RBFOX1: variants seen among roughly 807,000 people sequenced by gnomAD.
RBFOX1 encodes the protein RNA binding fox-1 homolog 1.
In RBFOX1, 8 loss-of-function variants were observed where a neutral mutation model predicts 57.7. The observed-to-expected ratio is 0.14, with a 90% CI of 0.08 to 0.25. RBFOX1 has a LOEUF of 0.25. Ranked by LOEUF, RBFOX1 falls within the 10% of genes least tolerant of loss-of-function variation. The probability of loss-of-function intolerance (pLI) is 1.00; values close to 1 mark genes in which losing one functional copy is unlikely to be tolerated. For synonymous variants in RBFOX1, 326 were observed against 222.4 expected, an observed-to-expected ratio of 1.47 and a Z score of -4.15; for missense variants, 611 against 548.5, an observed-to-expected ratio of 1.11 and a Z score of -1.14.
At chr16:6,305,930 G>A (rs763193085) in intron 1 of RBFOX1, among the ~76,000 whole-genome samples, 8 of 152,088 alleles carry the variant, frequency 5.3e-5, no homozygotes, top group Non-Finnish European at 1.2e-4. Flanking sequence ...AGGAAGTTGA[G>A]CTTCAAGAAG....
intron 4 of RBFOX1, among the ~76,000 whole-genome samples, chr16:7,140,162 C>T (rs909848373): frequency 9.5e-6 from 1 of 105,742 alleles, no homozygotes; most frequent in Admixed American, 9.5e-5. Flanking sequence ...CTCTCCCTCT[C>T]TCTCTCTCTC....
At chr16:7,290,867 A>T (rs541960788) in intron 4 of RBFOX1, among the ~76,000 whole-genome samples, 19 of 152,226 alleles carry the variant, frequency 1.2e-4, no homozygotes, top group Non-Finnish European at 2.5e-4. Context: ...TGGGTAATGT[A>T]GTATTATCGG....
At chr16:5,334,483 A>G (rs2064846186) in intron 1 of RBFOX1, among the ~76,000 whole-genome samples, 1 of 152,072 alleles carries the variant, frequency 6.6e-6, no homozygotes, top group South Asian at 2.1e-4. Context: ...AGAAGAGAAA[A>G]GAGATGGTTG....
chr16:5,528,535 G>A (rs918369173), intron 2 of RBFOX1, among the ~76,000 whole-genome samples: 9 of 148,664 alleles, frequency 6.1e-5, no homozygotes, highest in South Asian at 4.3e-4. Flanking sequence ...ATATTCCCCC[G>A]ACAGCTCTTC....
At chr16:6,969,680 G>T (rs2085085252) in intron 3 of RBFOX1, among the ~76,000 whole-genome samples, 2 of 152,016 alleles carry the variant, frequency 1.3e-5, no homozygotes, top group Admixed American at 1.3e-4. Context: ...GGAGGCGGAG[G>T]TTGCAGTGAG....
intron 2 of RBFOX1, among the ~76,000 whole-genome samples, chr16:6,440,204 G>A (rs1304868107): frequency 6.6e-6 from 1 of 151,842 alleles, no homozygotes; most frequent in Admixed American, 6.6e-5. Context: ...CAAAGTGCTG[G>A]GATTACAGGC....
At chr16:6,616,283 T>A (rs768397369) in intron 2 of RBFOX1, among the ~76,000 whole-genome samples, 52 of 152,208 alleles carry the variant, frequency 3.4e-4, no homozygotes, top group Non-Finnish European at 6.8e-4. Context: ...TTTTAATCAG[T>A]TTATTAGTTA....
At position 7,618,895 on chromosome 16, in the gene RBFOX1, G is replaced by T. The variant is rs1252695116; in HGVS notation, c.676+11557G>T. On this transcript the variant is annotated intron_variant, in intron 10 of 15. Transcript: ENST00000550418. ...TATAACACATTACAGTCGACATATT[G>T]GTTTATGAAAAATTAATAAAGCCAG... Among the ~76,000 whole-genome samples, 7 of 152,072 alleles carry T rather than the reference G, an allele frequency of 4.6e-5. No individual in the cohort carries two copies. In the East Asian group the frequency reaches 1.3e-3, roughly 29 times the overall value.
chr16:5,387,889 G>C (rs969047072), intron 1 of RBFOX1, among the ~76,000 whole-genome samples: 15 of 152,244 alleles, frequency 9.9e-5, no homozygotes, highest in Admixed American at 2.6e-4. Context: ...ATTTGGAAGA[G>C]GCAGACAGCA....
intron 2 of RBFOX1, among the ~76,000 whole-genome samples, chr16:6,485,093 A>G (rs2095446614): frequency 6.6e-6 from 1 of 152,206 alleles, no homozygotes; most frequent in Admixed American, 6.5e-5. Context: ...GTTTGCTATG[A>G]CTAAGTTTGA....
intron 4 of RBFOX1, among the ~76,000 whole-genome samples, chr16:7,094,909 C>G (rs192577656): frequency 1.3e-5 from 2 of 151,976 alleles, no homozygotes; most frequent in African/African-American, 4.8e-5. Context: ...ACTTTTGCCC[C>G]GTCTCTTAAT....
intron 10 of RBFOX1, among the ~76,000 whole-genome samples, chr16:7,612,314 C>T (rs1428204498): frequency 1.0e-5 from 1 of 97,352 alleles, no homozygotes; most frequent in East Asian, 3.2e-4. Context: ...GAGCGAGACT[C>T]CATCTCAAAA....
chr16:6,412,468 C>T (rs1197633675), intron 2 of RBFOX1, among the ~76,000 whole-genome samples: 2 of 152,128 alleles, frequency 1.3e-5, no homozygotes, highest in Non-Finnish European at 2.9e-5. Context: ...CCCTATATGC[C>T]TTTCAATGAT....
At chr16:6,892,531 A>G (rs12445817) in intron 3 of RBFOX1, among the ~76,000 whole-genome samples, 35,053 of 152,080 alleles carry the variant, frequency 0.23, 4,133 homozygotes, top group East Asian at 0.28. Context: ...TTAGCTGCGC[A>G]TGGTGGCACA....
chr16:7,400,440 A>G (rs1239480357), intron 4 of RBFOX1, among the ~76,000 whole-genome samples: 1 of 152,162 alleles, frequency 6.6e-6, no homozygotes. Context: ...AAGTGAAAAA[A>G]CACAAGAAAG....
chr16:7,002,655 G>A (rs534965588), intron 3 of RBFOX1, among the ~76,000 whole-genome samples: 7 of 152,050 alleles, frequency 4.6e-5, no homozygotes, highest in Non-Finnish European at 1.0e-4. Flanking sequence ...GAGGTTGCAG[G>A]GAGCCGAGAT....
chr16:5,544,520 C>T (rs2045103214), intron 2 of RBFOX1, among the ~76,000 whole-genome samples: 1 of 151,608 alleles, frequency 6.6e-6, no homozygotes. Flanking sequence ...ACAAAGTAAG[C>T]AGGGAAAAAT....
At chr16:7,223,724 A>G (rs80036903) in intron 4 of RBFOX1, among the ~76,000 whole-genome samples, 99 of 151,966 alleles carry the variant, frequency 6.5e-4, no homozygotes, top group African/African-American at 2.3e-3. Flanking sequence ...AAAAAAAAAA[A>G]AAAAAAAGAA....
At chr16:6,528,999 CCTT>C (rs1567568903) in intron 2 of RBFOX1, among the ~76,000 whole-genome samples, 1 of 152,144 alleles carries the variant, frequency 6.6e-6, no homozygotes, top group African/African-American at 2.4e-5. Flanking sequence ...AATTAATCCT[CCTT>C]GGCAGGTGTG....
Sources: allele counts gnomAD v4.1 joint callset (sites outside exome capture counted in the v4.1 genomes callset), GRCh38; gene constraint gnomAD v4.1.1; transcripts MANE v1.5; gene names NCBI Gene and HGNC (gene_info 2026-07-23, HGNC 2026-07-21).